The following PCDH15 variants were observed in gnomAD, a reference collection of about 807,000 sequenced individuals.
PCDH15 encodes the protein protocadherin-15.
A neutral mutation model predicts 178.5 loss-of-function variants in PCDH15; 129 were observed. The ratio of observed to expected loss-of-function variants is 0.72; its 90% confidence interval spans 0.63 to 0.84. The LOEUF (loss-of-function observed/expected upper bound fraction) is 0.84. Among genes scored for constraint, PCDH15 ranks in the 40% least tolerant of loss-of-function variants. The pLI, the probability that PCDH15 is intolerant of heterozygous loss-of-function variation, is 0.00. For synonymous variants in PCDH15, 800 were observed against 732.0 expected (o/e 1.09, Z -1.50); for missense variants, 2,230 against 2,099.9 (o/e 1.06, Z -1.21).
intron 2 of PCDH15, among the ~76,000 whole-genome samples, chr10:55,625,218 C>G (rs1311589861): frequency 6.6e-6 from 1 of 151,822 alleles, no homozygotes; most frequent in African/African-American, 2.4e-5. Flanking sequence ...CAAAGGGCCA[C>G]CATCCAAGGC....
At chr10:55,037,238 T>A (rs1840758153) in intron 2 of PCDH15, among the ~76,000 whole-genome samples, 1 of 152,156 alleles carries the variant, frequency 6.6e-6, no homozygotes, top group Admixed American at 6.5e-5. Flanking sequence ...ATCTTAATTT[T>A]TTTTTTTTAT....
chr10:55,074,899 A>G (rs527664094), intron 2 of PCDH15, among the ~76,000 whole-genome samples: 6 of 152,188 alleles, frequency 3.9e-5, no homozygotes, highest in Admixed American at 3.3e-4. Context: ...TGTATAAGGT[A>G]TATGGAAGGG....
At chr10:55,320,821 A>G (rs1483557756), upstream of PCDH15, among the ~76,000 whole-genome samples, 1 of 152,204 alleles carries the variant, frequency 6.6e-6, no homozygotes, top group Non-Finnish European at 1.5e-5. Flanking sequence ...ATATCAGCAC[A>G]CGAAGATAAG....
chr10:54,156,162 GT>G (rs970824639), intron 13 of PCDH15, among the ~76,000 whole-genome samples: 3 of 151,858 alleles, frequency 2.0e-5, no homozygotes, highest in Admixed American at 1.3e-4. Flanking sequence ...TGAGCTATTT[GT>G]TTTTTTTATT....
At chr10:54,645,273 C>T (rs908395136) in intron 2 of PCDH15, among the ~76,000 whole-genome samples, 2 of 151,442 alleles carry the variant, frequency 1.3e-5, no homozygotes, top group Non-Finnish European at 2.9e-5. Context: ...ATTAGCTAGC[C>T]GGTGGTAGAG....
At chr10:55,597,772 A>C (rs1842964875) in intron 2 of PCDH15, among the ~76,000 whole-genome samples, 1 of 152,150 alleles carries the variant, frequency 6.6e-6, no homozygotes, top group African/African-American at 2.4e-5. Context: ...TTCTACCCTG[A>C]CATCCCCCTA....
intron 5 of PCDH15, among the ~76,000 whole-genome samples, chr10:54,360,223 T>G (rs1236384919): frequency 5.3e-5 from 8 of 152,102 alleles, no homozygotes; most frequent in East Asian, 3.9e-4. Flanking sequence ...CTGTCTTGAT[T>G]GTCTAACCAA....
intron 26 of PCDH15, among the ~76,000 whole-genome samples, chr10:53,887,617 G>A (rs1045813953): frequency 2.0e-5 from 3 of 152,106 alleles, no homozygotes; most frequent in African/African-American, 4.8e-5. Context: ...GGTCGGGCAC[G>A]GTGGCTCACG....
At chr10:54,980,521 A>G (rs2131903700) in intron 2 of PCDH15, among the ~76,000 whole-genome samples, 1 of 152,158 alleles carries the variant, frequency 6.6e-6, no homozygotes, top group East Asian at 1.9e-4. Context: ...TAACATATTT[A>G]GGCTGCACAT....
At chr10:54,776,399 T>C (rs956810451) in intron 1 of PCDH15, among the ~76,000 whole-genome samples, 3 of 151,968 alleles carry the variant, frequency 2.0e-5, no homozygotes, top group Non-Finnish European at 4.4e-5. Context: ...AAGCACTGTT[T>C]ATATACTTTG....
At chr10:54,697,454 TAG>T (rs1350557197) in intron 1 of PCDH15, among the ~76,000 whole-genome samples, 1 of 151,610 alleles carries the variant, frequency 6.6e-6, no homozygotes, top group African/African-American at 2.4e-5. Flanking sequence ...TACATTATGT[TAG>T]ACTTATATTT....
At position 54,758,701 on chromosome 10, in the gene PCDH15, C is replaced by T. The variant is rs151337367; in HGVS notation, c.-29+42224G>A. 5.2e-3 allele frequency among the ~76,000 whole-genome samples: 795 copies of T among 152,084 alleles called. 5 individuals carry two copies. Among genetic ancestry groups the T allele is most frequent in the Non-Finnish European group, 8.2e-3 (555 of 67,970 alleles). ...AGTTGTAGAAAAGCTTGGATGATAC[C>T]CTTACAAAGGAAACCCAAATAAAAA... On this transcript the variant is annotated intron_variant, in intron 1 of 37. Transcript: ENST00000644397.
intron 2 of PCDH15, among the ~76,000 whole-genome samples, chr10:54,967,180 A>G (rs3911311): frequency 0.35 from 52,821 of 151,670 alleles, 9,799 homozygotes; most frequent in East Asian, 0.64. Context: ...CTACAAAGTC[A>G]CTAGGCTATA....
intron 10 of PCDH15, among the ~76,000 whole-genome samples, chr10:54,201,130 C>T (rs1351364376): frequency 1.3e-5 from 2 of 152,180 alleles, no homozygotes; most frequent in African/African-American, 4.8e-5. Context: ...GGAGGCACCT[C>T]TTGCTTCAGT....
chr10:55,397,245 T>A (rs1021868429), intron 2 of PCDH15, among the ~76,000 whole-genome samples: 6 of 152,198 alleles, frequency 3.9e-5, no homozygotes, highest in African/African-American at 1.4e-4. Flanking sequence ...AGCCTCTATA[T>A]TTTCAAAGTT....
chr10:54,402,391 AAAG>A (rs1289126810), intron 3 of PCDH15, among the ~76,000 whole-genome samples: 1 of 152,030 alleles, frequency 6.6e-6, no homozygotes, highest in East Asian at 1.9e-4. Flanking sequence ...TATTAACAAC[AAAG>A]AAGAACTATG....
At chr10:55,583,898 G>A (rs1199381551) in intron 2 of PCDH15, among the ~76,000 whole-genome samples, 2 of 151,846 alleles carry the variant, frequency 1.3e-5, no homozygotes, top group African/African-American at 4.8e-5. Context: ...GTTTGTTTCA[G>A]ACGGGGTCTT....
At chr10:55,013,446 A>G (rs1840095270) in intron 2 of PCDH15, among the ~76,000 whole-genome samples, 1 of 131,968 alleles carries the variant, frequency 7.6e-6, no homozygotes, top group Admixed American at 7.7e-5. Flanking sequence ...TTCTCTCTCA[A>G]TTACTGTGTT....
intron 2 of PCDH15, among the ~76,000 whole-genome samples, chr10:55,620,624 C>A (rs113381255): frequency 6.6e-6 from 1 of 151,706 alleles, no homozygotes; most frequent in Non-Finnish European, 1.5e-5. Context: ...AATATTTGCA[C>A]CCTAAAAATT....
Sources: allele counts gnomAD v4.1 joint callset (sites outside exome capture counted in the v4.1 genomes callset), GRCh38; gene constraint gnomAD v4.1.1; transcripts MANE v1.5; gene names NCBI Gene and HGNC (gene_info 2026-07-23, HGNC 2026-07-21).